Variants in MCF2L observed in about 807,000 individuals in gnomAD.
The protein encoded by MCF2L is guanine nucleotide exchange factor DBS.
MCF2L carries 97 observed loss-of-function variants against 153.4 expected under a neutral mutation model. That is an observed-to-expected ratio of 0.63 (90% CI 0.54 to 0.75). The LOEUF (loss-of-function observed/expected upper bound fraction) is 0.75. Ranked by LOEUF, MCF2L falls within the 30% of genes least tolerant of loss-of-function variation. The pLI is 0.00. For synonymous variants in MCF2L, 659 were observed against 632.2 expected (o/e 1.04, Z -0.64); for missense variants, 1,347 against 1,495.2 (o/e 0.90, Z 1.64).
chr13:113,066,407 A>T (rs1398272607), intron 8 of MCF2L, among the ~76,000 whole-genome samples: 2 of 152,128 alleles, frequency 1.3e-5, no homozygotes, highest in Admixed American at 6.5e-5. Context: ...TTTGGGGACA[A>T]TTTCCTAGAG....
In MCF2L at chr13:113,074,648, C is replaced by A; in HGVS notation, c.1116+85C>A. 6.4e-7 allele frequency: 1 copy of A among 1,569,734 alleles called. No individual in the cohort carries two copies. On this transcript the variant is annotated intron_variant, in intron 10 of 29. Coordinates refer to ENST00000535094, the MANE Select transcript of MCF2L (RefSeq NM_001112732.3). This position sits in a 1 kb window ranked among gnomAD's most constrained non-coding sequence, Gnocchi z 4.2. ...TCAGGAAGGCGCAGGAATGGGCCTC[C>A]CGCCTACGGAGAACGGACCCCACAG...
At chr13:112,930,057 G>T (rs904346238) in intron 2 of MCF2L, among the ~76,000 whole-genome samples, 1 of 152,142 alleles carries the variant, frequency 6.6e-6, no homozygotes, top group African/African-American at 2.4e-5. Context: ...ACCTCACAAC[G>T]CCTGGTACTG....
chr13:113,065,335 T>G, intron 7 of MCF2L: 1 of 525,186 alleles, frequency 1.9e-6, no homozygotes, highest in Non-Finnish European at 3.4e-6. Context: ...CCTGCCATTC[T>G]GGCGTTGGGT....
intron 1 of MCF2L, among the ~76,000 whole-genome samples, chr13:112,986,406 A>G (rs2082641943): frequency 6.6e-6 from 1 of 152,204 alleles, no homozygotes; most frequent in African/African-American, 2.4e-5. Flanking sequence ...AGAGCGTCCC[A>G]CGAACGGTGT....
Position 112,907,341 on chromosome 13 carries a change from G to A in MCF2L, c.169+4970G>A, listed in dbSNP as rs937905720. On this transcript the variant is annotated intron_variant, in intron 2 of 29. Transcript: ENST00000375608. The surrounding 1 kb of genome is among the most constrained non-coding windows in gnomAD (Gnocchi z 5.1). The stretch of plus-strand genomic sequence containing the variant: ...AAATGACCACAAGAAACAGATACTT[G>A]GAAGGAAATTGGCTTTTTGGCTATC... Among the ~76,000 whole-genome samples, 10 of 152,178 alleles carry A rather than the reference G, an allele frequency of 6.6e-5. No homozygotes were observed. Among genetic ancestry groups the A allele is most frequent in the South Asian group, 2.1e-4 (1 of 4,822 alleles).
At chr13:113,051,834 C>T (rs1228914055) in intron 4 of MCF2L, among the ~76,000 whole-genome samples, 1 of 152,096 alleles carries the variant, frequency 6.6e-6, no homozygotes, top group Non-Finnish European at 1.5e-5. Flanking sequence ...CAGGGCTGCC[C>T]CCGCTGCTTA....
At position 113,082,551 on chromosome 13, in the gene MCF2L, T is replaced by G; in HGVS notation, c.1991+9T>G. ...TATCACTTCCACAACAGGTGGGCCCTTCCCCCCGACACAGGCACGCACCCG... is the reference window on the plus strand; with the variant it reads ...TATCACTTCCACAACAGGTGGGCCCGTCCCCCCGACACAGGCACGCACCCG... On this transcript the variant is annotated intron_variant, in intron 17 of 29. Coordinates refer to ENST00000535094, the MANE Select transcript of MCF2L (RefSeq NM_001112732.3). The G allele has an allele frequency of 1.3e-6, 2 of 1,570,868 alleles. No individual in the cohort carries two copies. The highest frequency in any genetic ancestry group is 1.8e-6 in the Non-Finnish European group (2 of 1,141,434).
intron 1 of MCF2L, among the ~76,000 whole-genome samples, chr13:112,994,979 A>G (rs1307013534): frequency 6.6e-6 from 1 of 152,188 alleles, no homozygotes; most frequent in Admixed American, 6.5e-5. Context: ...AGACTTCCCC[A>G]GGTTTGGCTC....
intron 2 of MCF2L, among the ~76,000 whole-genome samples, chr13:112,942,919 G>A (rs547730231): frequency 8.5e-5 from 13 of 152,184 alleles, no homozygotes; most frequent in Admixed American, 1.3e-4. Flanking sequence ...AGGAAAGGTG[G>A]GACAGCACCC....
At position 113,027,076 on chromosome 13, in the gene MCF2L, T is replaced by C; in HGVS notation, c.278+2318T>C. ...AACAGAAATATCCTTAAATATGGCATCTGTATCCCGCACATTACATAAGGT... is the reference window on the plus strand; with the variant it reads ...AACAGAAATATCCTTAAATATGGCACCTGTATCCCGCACATTACATAAGGT... On this transcript the variant is annotated intron_variant, in intron 3 of 29. Transcript: ENST00000535094. The surrounding 1 kb of genome is among the most constrained non-coding windows in gnomAD (Gnocchi z 4.8). 1.3e-6 allele frequency: 1 copy of C among 760,900 alleles called. No individual in the cohort carries two copies. The highest frequency in any genetic ancestry group is 1.7e-5 in the Admixed American group (1 of 57,402). 47.1% of individuals were successfully genotyped at this position (760,900 alleles called of 1,614,324 possible). A position where few individuals can be genotyped will look rare whatever the true frequency, so the allele number is the denominator to read the frequency against.
At position 113,005,537 on chromosome 13, in the gene MCF2L, CGTGGTTGGTTCTGGGTGGCT is replaced by C. The variant is rs1297801579; in HGVS notation, c.80-9220_80-9201del. Among the ~76,000 whole-genome samples the C allele has an allele frequency of 3.3e-5, 5 of 150,366 alleles. No individual in the cohort carries two copies. In the East Asian group the frequency reaches 5.9e-4, roughly 18 times the overall value. ...GTGGCCGTGGTCTGTTTGTGGTGGC[CGTGGTTGGTTCTGGGTGGCT>C]GTGGTCTGTTTGTGGTGGCCGTGGT... On this transcript the variant is annotated intron_variant, in intron 1 of 29. Coordinates refer to ENST00000535094, the MANE Select transcript of MCF2L (RefSeq NM_001112732.3).
At chr13:113,060,827 A>C in intron 5 of MCF2L, 115 bp downstream of exon 5, 8 of 1,424,360 alleles carry the variant, frequency 5.6e-6, no homozygotes, top group Non-Finnish European at 7.6e-6. Flanking sequence ...ACGGTCAACA[A>C]AACCCCGCAG....
In MCF2L at chr13:112,915,983, G is replaced by A. The variant is rs927917859; in HGVS notation, c.169+13612G>A. 1.1e-3 allele frequency among the ~76,000 whole-genome samples: 165 copies of A among 151,992 alleles called. 1 individual carries two copies. The highest frequency in any genetic ancestry group is 6.5e-4 in the Non-Finnish European group (44 of 67,998). Reference sequence around the variant, plus strand: ...GGAGGCCGAGGCATGTGGATCACAAGGTCAGGAGATCGAGACCATCCTGGT... The same window carrying A: ...GGAGGCCGAGGCATGTGGATCACAAAGTCAGGAGATCGAGACCATCCTGGT... On this transcript the variant is annotated intron_variant, in intron 2 of 29. Transcript: ENST00000375608.
intron 1 of MCF2L, among the ~76,000 whole-genome samples, chr13:112,898,677 C>G (rs2081091390): frequency 6.6e-6 from 1 of 152,138 alleles, no homozygotes; most frequent in Non-Finnish European, 1.5e-5. Flanking sequence ...TGTGTCACTT[C>G]ACCAGCTATT....
At chr13:112,961,365 G>A (rs907749735) in intron 2 of MCF2L, among the ~76,000 whole-genome samples, 3 of 152,214 alleles carry the variant, frequency 2.0e-5, no homozygotes, top group East Asian at 1.9e-4. Flanking sequence ...GCCTTCCCAC[G>A]AGCAGTCTTC....
chr13:113,013,588 C>T (rs2084313336), intron 1 of MCF2L, among the ~76,000 whole-genome samples: 1 of 152,244 alleles, frequency 6.6e-6, no homozygotes, highest in South Asian at 2.1e-4. Context: ...GCAGCCTCCG[C>T]TGGGAATTTC....
At chr13:112,924,074 A>C (rs1052819497) in intron 2 of MCF2L, among the ~76,000 whole-genome samples, 5 of 152,050 alleles carry the variant, frequency 3.3e-5, no homozygotes, top group Non-Finnish European at 7.4e-5. Flanking sequence ...GGTGGTGTTA[A>C]ATTTGACGAC....
At chr13:113,058,710 T>TG (rs1445713897) in intron 4 of MCF2L, among the ~76,000 whole-genome samples, 1 of 144,530 alleles carries the variant, frequency 6.9e-6, no homozygotes, top group Non-Finnish European at 1.5e-5. Context: ...GGGCGCTGTT[T>TG]GGGCACTGAG....
chr13:113,096,275 G>T (rs996863340), intron 27 of MCF2L, 96 bp from the exon 28 acceptor site: 20 of 962,096 alleles, frequency 2.1e-5, no homozygotes, highest in Middle Eastern at 3.1e-4. Flanking sequence ...TCCCACCGGG[G>T]CAGGGCGCTA....
Sources: gnomAD v4.1 joint callset for allele counts (sites outside exome capture counted in the v4.1 genomes callset) on GRCh38, gnomAD v4.1.1 for gene constraint, Gnocchi (gnomAD v3.1) non-coding constraint, MANE v1.5 for transcripts, NCBI Gene and HGNC (gene_info 2026-07-23, HGNC 2026-07-21) for gene names.